Variants in MED13L observed in about 807,000 individuals in gnomAD.
MED13L encodes the protein mediator of RNA polymerase II transcription subunit 13-like.
In MED13L, 7 loss-of-function variants were observed where a neutral mutation model predicts 220.9. The observed-to-expected ratio is 0.03, with a 90% CI of 0.02 to 0.06. MED13L has a LOEUF of 0.06. Among genes scored for constraint, MED13L ranks in the 10% least tolerant of loss-of-function variants. The probability of loss-of-function intolerance (pLI) is 1.00; values close to 1 mark genes in which losing one functional copy is unlikely to be tolerated. For missense variants in MED13L, 1,965 were observed against 2,760.5 expected (o/e 0.71, Z 6.46); for synonymous variants, 1,011 against 1,015.2 (o/e 1.00, Z 0.08).
chr12:116,190,794 T>C (rs1398659587), intron 2 of MED13L, among the ~76,000 whole-genome samples: 1 of 152,076 alleles, frequency 6.6e-6, no homozygotes, highest in Non-Finnish European at 1.5e-5. Context: ...CTTCTGTTGC[T>C]TACCTTGAGG....
At chr12:116,152,281 A>G (rs1878098328) in intron 2 of MED13L, among the ~76,000 whole-genome samples, 1 of 152,236 alleles carries the variant, frequency 6.6e-6, no homozygotes, top group South Asian at 2.1e-4. Context: ...ATTTTATTAT[A>G]CCATAATTAT....
chr12:115,996,184 G>A (rs1399200731), intron 16 of MED13L, among the ~76,000 whole-genome samples: 6 of 151,868 alleles, frequency 4.0e-5, no homozygotes, highest in Admixed American at 6.6e-5. Flanking sequence ...TCCACCTCCC[G>A]GGTTCAAGCG....
chr12:116,163,171 C>G (rs1219671428), intron 2 of MED13L, among the ~76,000 whole-genome samples: 1 of 152,062 alleles, frequency 6.6e-6, no homozygotes, highest in Non-Finnish European at 1.5e-5. Flanking sequence ...AACAAAACTG[C>G]CTAATATATT....
At chr12:116,227,085 T>G (rs925544524) in intron 2 of MED13L, among the ~76,000 whole-genome samples, 1 of 152,078 alleles carries the variant, frequency 6.6e-6, no homozygotes, top group Non-Finnish European at 1.5e-5. Context: ...TTTCAAACAC[T>G]AATTCACAGA....
chr12:116,095,345 T>C (rs185317262), intron 4 of MED13L, among the ~76,000 whole-genome samples: 2 of 152,308 alleles, frequency 1.3e-5, no homozygotes, highest in African/African-American at 4.8e-5. Context: ...TTGAATGTAC[T>C]GAAAAGGAAA....
intron 2 of MED13L, among the ~76,000 whole-genome samples, chr12:116,188,197 A>G (rs961140865): frequency 1.3e-5 from 2 of 152,210 alleles, no homozygotes; most frequent in African/African-American, 4.8e-5. Flanking sequence ...ATAAACATAA[A>G]GGAATAAGTT....
chr12:116,126,699 G>C (rs1875618496), intron 2 of MED13L, among the ~76,000 whole-genome samples: 2 of 152,206 alleles, frequency 1.3e-5, no homozygotes, highest in South Asian at 4.1e-4. Flanking sequence ...ACTGGGCAAT[G>C]CTAACACTTC....
chr12:115,980,108 C>T (rs1014306049), intron 23 of MED13L, among the ~76,000 whole-genome samples: 2 of 151,868 alleles, frequency 1.3e-5, no homozygotes, highest in African/African-American at 2.4e-5. Context: ...AGCTGGAAAA[C>T]GCAAAGGATT....
rs186528636 is a variant in MED13L at position 116,170,602 on chromosome 12, T to G, written c.311-59090A>C. On this transcript the variant is annotated intron_variant, in intron 2 of 30. Transcript: ENST00000281928. ...CACACAAGTAATCATTTTTACTTTTTTTTTTGTTTTTTTTTTTTTTTTAAG... is the reference window on the plus strand; with the variant it reads ...CACACAAGTAATCATTTTTACTTTTGTTTTTGTTTTTTTTTTTTTTTTAAG... Among the ~76,000 whole-genome samples the G allele has an allele frequency of 3.7e-3, 548 of 148,806 alleles. 4 individuals carry two copies. Among genetic ancestry groups the G allele is most frequent in the African/African-American group, 0.013 (523 of 39,442 alleles).
intron 26 of MED13L, 24 bp from the exon 27 acceptor site, chr12:115,970,794 T>C: frequency 6.2e-6 from 10 of 1,606,710 alleles, no homozygotes; most frequent in Non-Finnish European, 8.5e-6. Flanking sequence ...AATAGAATTA[T>C]ATCAATCAAT....
chr12:116,066,563 A>C (rs2137661537), intron 4 of MED13L, among the ~76,000 whole-genome samples: 1 of 152,240 alleles, frequency 6.6e-6, no homozygotes, highest in South Asian at 2.1e-4. Flanking sequence ...AATGTCAAAA[A>C]CCGCAATTAC....
At chr12:115,990,191 A>C (rs1877963938) in intron 17 of MED13L, among the ~76,000 whole-genome samples, 1 of 152,138 alleles carries the variant, frequency 6.6e-6, no homozygotes, top group Admixed American at 6.5e-5. Flanking sequence ...TTCCTCAGTT[A>C]ATGTGTACTC....
rs1555220628 is a variant in MED13L, at chr12:116,183,820, A to ATGTGTGTATGTG, written c.310+53647_310+53648insCACATACACACA. Among the ~76,000 whole-genome samples, 4 of 146,592 alleles carry ATGTGTGTATGTG rather than the reference A, an allele frequency of 2.7e-5. No homozygotes were observed. In the South Asian group the frequency reaches 8.6e-4, roughly 31 times the overall value. ...GAAAAAATGGTGTGTGTGTGTGTGT[A>ATGTGTGTATGTG]TGTGTGTGTGTGTGTGTGTGTGTAA... On this transcript the variant is annotated intron_variant, in intron 2 of 30. Transcript: ENST00000281928.
At chr12:116,161,478 A>C (rs548330887) in intron 2 of MED13L, among the ~76,000 whole-genome samples, 1 of 152,340 alleles carries the variant, frequency 6.6e-6, no homozygotes, top group African/African-American at 2.4e-5. Context: ...GCTCCAAAAA[A>C]TATCAATAAG....
rs1025644476 is a variant in MED13L at position 116,012,661 on chromosome 12, G to T, written c.1280+136C>A. 1.3e-5 allele frequency: 10 copies of T among 754,122 alleles called. No homozygotes were observed. The African/African-American group carries it at 1.6e-4, about 12-fold the overall frequency. 46.7% of individuals were successfully genotyped at this position (754,122 alleles called of 1,614,324 possible). ...ATAAAACTGTATCATCTGCATATAA[G>T]AAAAAAACTAATCTTTTTCTTCTCT... On this transcript the variant is annotated intron_variant, in intron 9 of 30. Transcript: ENST00000281928.
rs775501740 is a variant in MED13L, at chr12:115,997,245, T to TA, written c.2570-16dup. 6 of 1,611,322 alleles carry TA rather than the reference T, an allele frequency of 3.7e-6. No homozygotes were observed. Among genetic ancestry groups the TA allele is most frequent in the Non-Finnish European group, 4.2e-6 (5 of 1,178,278 alleles). ...GTCTGCAACTGCTAAAAATAAGAAATAAAAAAAATTTGTTTAATAGGAAGG... is the reference window on the plus strand; with the variant it reads ...GTCTGCAACTGCTAAAAATAAGAAATAAAAAAAAATTTGTTTAATAGGAAGG... On this transcript the variant is annotated splice_polypyrimidine_tract_variant and intron_variant, in intron 14 of 30. Coordinates refer to ENST00000281928, the MANE Select transcript of MED13L (RefSeq NM_015335.5).
At chr12:116,214,224 T>G (rs1882873382) in intron 2 of MED13L, among the ~76,000 whole-genome samples, 1 of 152,216 alleles carries the variant, frequency 6.6e-6, no homozygotes, top group Non-Finnish European at 1.5e-5. Context: ...TTTCACTTTT[T>G]CATCGACAAC....
At chr12:115,993,231 G>A (rs1487996149) in intron 16 of MED13L, among the ~76,000 whole-genome samples, 1 of 152,082 alleles carries the variant, frequency 6.6e-6, no homozygotes, top group Admixed American at 6.6e-5. Context: ...GATACCAAGG[G>A]ACAACTGTAC....
chr12:116,072,102 G>C (rs1870417563), intron 4 of MED13L, among the ~76,000 whole-genome samples: 2 of 152,150 alleles, frequency 1.3e-5, no homozygotes, highest in African/African-American at 4.8e-5. Context: ...CTGGAGAAAA[G>C]GATTAATAGG....
Sources: allele counts gnomAD v4.1 joint callset (sites outside exome capture counted in the v4.1 genomes callset), GRCh38; gene constraint gnomAD v4.1.1; transcripts MANE v1.5; gene names NCBI Gene and HGNC (gene_info 2026-07-23, HGNC 2026-07-21).